Variants in GTF2A1L observed in about 807,000 individuals in gnomAD.
GTF2A1L encodes general transcription factor IIA subunit 1 like, also known as TFIIA-alpha and beta-like factor.
Under a neutral mutation model 49.7 loss-of-function variants are expected in GTF2A1L, and 48 were observed. The observed-to-expected ratio is 0.97, with a 90% CI of 0.77 to 1.23. The LOEUF (loss-of-function observed/expected upper bound fraction) is 1.23, where lower values mean the gene tolerates loss of function less well. Among genes scored for constraint, GTF2A1L ranks in the 50% most tolerant of loss-of-function variants. The pLI is 0.00. For missense variants in GTF2A1L, 736 were observed against 564.8 expected (o/e 1.30, Z -3.07); for synonymous variants, 246 against 193.5 (o/e 1.27, Z -2.25).
chr2:48,630,217 A>G (rs1354687827), intron 3 of GTF2A1L, among the ~76,000 whole-genome samples: 1 of 143,936 alleles, frequency 6.9e-6, no homozygotes, highest in East Asian at 1.9e-4. Context: ...ATGTATGGCC[A>G]TTTTAATGTT....
Position 48,660,762 on chromosome 2 carries a change from G to A in GTF2A1L, c.979-8960G>A, listed in dbSNP as rs964601362. On this transcript the variant is annotated intron_variant, in intron 6 of 8. Transcript: ENST00000403751. ...TTCAAATGATTCTTGTGCCTCAGCCGCCTGAGAAGCTGGGATTGCAGGTGT... is the reference window on the plus strand; with the variant it reads ...TTCAAATGATTCTTGTGCCTCAGCCACCTGAGAAGCTGGGATTGCAGGTGT... 5.3e-5 allele frequency among the ~76,000 whole-genome samples: 8 copies of A among 151,840 alleles called. No homozygotes were observed. In the South Asian group the frequency reaches 8.3e-4, roughly 16 times the overall value.
intron 6 of GTF2A1L, among the ~76,000 whole-genome samples, chr2:48,652,149 C>T (rs1272769891): frequency 6.6e-6 from 1 of 152,118 alleles, no homozygotes; most frequent in East Asian, 1.9e-4. Flanking sequence ...AAGAGGGCCT[C>T]ACTGATTGAA....
intron 3 of GTF2A1L, among the ~76,000 whole-genome samples, chr2:48,631,608 AT>A (rs1232560374): frequency 6.6e-6 from 1 of 151,782 alleles, no homozygotes. Context: ...CCCCTTAATG[AT>A]CACTGTCAGA....
intron 6 of GTF2A1L, among the ~76,000 whole-genome samples, chr2:48,648,650 G>A (rs1160526377): frequency 6.6e-6 from 1 of 151,988 alleles, no homozygotes; most frequent in African/African-American, 2.4e-5. Flanking sequence ...TACCAATCTT[G>A]TAATTTTGAG....
chr2:48,650,937 G>A (rs900620991), intron 6 of GTF2A1L, among the ~76,000 whole-genome samples: 6 of 152,186 alleles, frequency 3.9e-5, no homozygotes, highest in Non-Finnish European at 4.4e-5. Flanking sequence ...AATGTGTATT[G>A]TAGGTTAGGC....
rs1021529274 is a variant in GTF2A1L at position 48,624,768 on chromosome 2, T to C, written c.247+3478T>C. Among the ~76,000 whole-genome samples, 15 of 143,910 alleles carry C rather than the reference T, an allele frequency of 1.0e-4. 5 individuals carry two copies. The South Asian group carries it at 3.5e-3, about 34-fold the overall frequency. The allele number at this position is 143,910 out of a possible 152,430, so 94.4% of individuals were successfully genotyped here. On this transcript the variant is annotated intron_variant, in intron 3 of 8. Transcript: ENST00000403751. ...CTCTATGTCTGTATTTGTGGTTTTTTTTTTTTAACATATAAATGAGATCAT... is the reference window on the plus strand; with the variant it reads ...CTCTATGTCTGTATTTGTGGTTTTTCTTTTTTAACATATAAATGAGATCAT...
chr2:48,637,602 GA>G (rs1172827551), intron 3 of GTF2A1L, among the ~76,000 whole-genome samples: 1 of 152,162 alleles, frequency 6.6e-6, no homozygotes, highest in African/African-American at 2.4e-5. Flanking sequence ...AAAGCTAGCA[GA>G]AGACAAGAAA....
chr2:48,623,661 C>A (rs1676138073), intron 3 of GTF2A1L, among the ~76,000 whole-genome samples: 1 of 152,310 alleles, frequency 6.6e-6, no homozygotes, highest in Non-Finnish European at 1.5e-5. Flanking sequence ...ATGGAATCAA[C>A]TCAACCCATA....
intron 8 of GTF2A1L, 28 bp downstream of exon 8, chr2:48,671,708 G>T: frequency 6.3e-7 from 1 of 1,586,304 alleles, no homozygotes. Context: ...TGGACTTTGG[G>T]TTTATTAACT....
intron 8 of GTF2A1L, among the ~76,000 whole-genome samples, chr2:48,678,916 C>T (rs1321554175): frequency 1.3e-5 from 2 of 151,988 alleles, no homozygotes; most frequent in Non-Finnish European, 2.9e-5. Flanking sequence ...GAGTAAATAT[C>T]TGCCTTGCTT....
chr2:48,662,208 T>C (rs963819093), intron 6 of GTF2A1L, among the ~76,000 whole-genome samples: 1 of 152,268 alleles, frequency 6.6e-6, no homozygotes, highest in Non-Finnish European at 1.5e-5. Context: ...TACAGATTAC[T>C]TCTTCATATT....
Position 48,679,573 on chromosome 2 carries a change from A to G in GTF2A1L, c.*131A>G, listed in dbSNP as rs1572792448. 2 of 1,439,292 alleles carry G rather than the reference A, an allele frequency of 1.4e-6. No individual in the cohort carries two copies. Among genetic ancestry groups the G allele is most frequent in the East Asian group, 5.4e-5 (2 of 36,850 alleles). The allele number at this position is 1,439,292 out of a possible 1,614,324, so 89.2% of individuals were successfully genotyped here. On this transcript the variant is annotated 3_prime_UTR_variant, in exon 9 of 9. Coordinates refer to ENST00000403751, the MANE Select transcript of GTF2A1L (RefSeq NM_006872.5). ...TTTTTAGTTCACTGTATGGAATTTAATAAAATTATAATTCAGATGCAGATA... is the reference window on the plus strand; with the variant it reads ...TTTTTAGTTCACTGTATGGAATTTAGTAAAATTATAATTCAGATGCAGATA...
intron 6 of GTF2A1L, among the ~76,000 whole-genome samples, chr2:48,650,315 AAG>A (rs1231227216): frequency 1.3e-5 from 2 of 152,174 alleles, no homozygotes. Flanking sequence ...CATTAAAAAA[AAG>A]TGCAGGTCTA....
intron 3 of GTF2A1L, among the ~76,000 whole-genome samples, chr2:48,625,211 C>G (rs1175213268): frequency 6.9e-6 from 1 of 143,928 alleles, no homozygotes; most frequent in Non-Finnish European, 1.6e-5. Context: ...TCTGTACTCT[C>G]ACCAACACTT....
At chr2:48,667,115 A>ATTT (rs57507576) in intron 6 of GTF2A1L, among the ~76,000 whole-genome samples, 8 of 142,928 alleles carry the variant, frequency 5.6e-5, no homozygotes, top group East Asian at 2.1e-4. Context: ...CTCCCAGCTA[A>ATTT]TTTTTTTTTT....
At chr2:48,651,454 T>A (rs1305944020) in intron 6 of GTF2A1L, among the ~76,000 whole-genome samples, 1 of 146,486 alleles carries the variant, frequency 6.8e-6, no homozygotes, top group Non-Finnish European at 1.5e-5. Flanking sequence ...TTTTTTTTTT[T>A]AAATTGGAAA....
intron 3 of GTF2A1L, among the ~76,000 whole-genome samples, chr2:48,623,976 A>T (rs2104073940): frequency 6.6e-6 from 1 of 152,342 alleles, no homozygotes; most frequent in South Asian, 2.1e-4. Flanking sequence ...TTTGGGTGAC[A>T]GGATCAATAG....
intron 8 of GTF2A1L, among the ~76,000 whole-genome samples, 196 bp from the exon 9 acceptor site, chr2:48,679,139 T>C (rs557478671): frequency 3.9e-5 from 6 of 152,032 alleles, no homozygotes; most frequent in Non-Finnish European, 5.9e-5. Flanking sequence ...TAAACTAATA[T>C]ATTTCCAGTG....
intron 6 of GTF2A1L, among the ~76,000 whole-genome samples, chr2:48,659,212 T>C (rs1332459475): frequency 3.3e-5 from 5 of 152,256 alleles, no homozygotes; most frequent in Non-Finnish European, 5.9e-5. Flanking sequence ...CTCAATTTCT[T>C]GTATTTGGAT....
Sources: allele counts gnomAD v4.1 joint callset (sites outside exome capture counted in the v4.1 genomes callset), GRCh38; gene constraint gnomAD v4.1.1; transcripts MANE v1.5; gene names NCBI Gene and HGNC (gene_info 2026-07-23, HGNC 2026-07-21).